The following DMXL1 variants were observed in gnomAD, a reference collection of about 807,000 sequenced individuals.
The protein encoded by DMXL1 is Dmx like 1.
In DMXL1, 99 loss-of-function variants were observed where a neutral mutation model predicts 319.2. The observed-to-expected ratio is 0.31, with a 90% confidence interval of 0.26 to 0.37. DMXL1 has a LOEUF of 0.37. Ranked by LOEUF, DMXL1 falls within the 10% of genes least tolerant of loss-of-function variation. The probability of loss-of-function intolerance (pLI) is 1.00; values close to 1 mark genes in which losing one functional copy is unlikely to be tolerated. For missense variants in DMXL1, 3,745 were observed against 3,595.6 expected (o/e 1.04, Z -1.06); for synonymous variants, 1,385 against 1,235.2 (o/e 1.12, Z -2.54).
rs375470122 is a variant in DMXL1 at position 119,197,827 on chromosome 5, G to C, written c.7616G>C (p.Arg2539Pro). 1 of 1,614,038 alleles carries C rather than the reference G, an allele frequency of 6.2e-7. No homozygotes were observed. The highest frequency in any genetic ancestry group is 1.7e-5 in the Admixed American group (1 of 60,016). Residue 2539 changes from arginine to proline, a missense_variant, in exon 32 of 44, where the codon CGA (arginine) becomes CCA (proline). Arg to Pro is a moderately radical substitution (Grantham distance 103). Around this residue, in one of 4 missense-constraint regions of DMXL1, gnomAD observed 1,382 missense variants for 1,269.5 expected, o/e 1.09. Coordinates refer to ENST00000539542, the MANE Select transcript of DMXL1 (RefSeq NM_001290321.3). ...TLQCWEQVLLRRLEIHGGPPQ... is the reference protein window; with the variant it reads ...TLQCWEQVLLPRLEIHGGPPQ... The stretch of plus-strand genomic sequence containing the variant: ...CAATGTTGGGAACAAGTTCTTCTCC[G>C]ACGACTTGAAATCCATGGTGGGCCA...
intron 39 of DMXL1, among the ~76,000 whole-genome samples, chr5:119,235,724 G>T (rs2150704800): frequency 6.6e-6 from 1 of 152,162 alleles, no homozygotes; most frequent in East Asian, 1.9e-4. Flanking sequence ...AATGAAAAAG[G>T]TTATTTACAA....
intron 3 of DMXL1, among the ~76,000 whole-genome samples, chr5:119,103,959 A>G (rs535956593): frequency 1.3e-5 from 2 of 152,334 alleles, no homozygotes; most frequent in South Asian, 2.1e-4. Flanking sequence ...ATCAGCACTG[A>G]CTTTGCAGAA....
At position 119,218,560 on chromosome 5, in the gene DMXL1, G is replaced by C. The variant is rs1050651604; in HGVS notation, c.8013+1573G>C. On this transcript the variant is annotated intron_variant, in intron 35 of 43. Coordinates refer to ENST00000539542, the MANE Select transcript of DMXL1 (RefSeq NM_001290321.3). Reference sequence around the variant, plus strand: ...CAACCTCTGCCTCCCGGGTTCAAGCGATTCTCCTGCCTCAGCCTCCCAAGT... The same window carrying C: ...CAACCTCTGCCTCCCGGGTTCAAGCCATTCTCCTGCCTCAGCCTCCCAAGT... 6.6e-5 allele frequency among the ~76,000 whole-genome samples: 10 copies of C among 152,016 alleles called. 1 individual carries two copies. Among genetic ancestry groups the C allele is most frequent in the African/African-American group, 2.2e-4 (9 of 41,390 alleles).
chr5:119,175,296 T>G lies in DMXL1; in HGVS notation c.6717T>G (p.Ser2239=), dbSNP rs767515743. 3.1e-6 allele frequency: 5 copies of G among 1,612,146 alleles called. No individual in the cohort carries two copies. In the South Asian group the frequency reaches 5.5e-5, roughly 18 times the overall value. The change falls in exon 26 of 44, where the codon TCT becomes TCG. Residue 2239 remains serine, a synonymous_variant. Coordinates refer to ENST00000539542, the MANE Select transcript of DMXL1 (RefSeq NM_001290321.3). ...YVMHTLAASL[S]ACIYQCLCGS... The stretch of plus-strand genomic sequence containing the variant: ...TGCATACTTTAGCAGCTTCACTTTC[T>G]GCTTGTATTTATCAGTGCCTTTGTG...
At chr5:119,246,906 T>TACAG in intron 43 of DMXL1, 89 bp from the exon 44 acceptor site, 1 of 946,840 alleles carries the variant, frequency 1.1e-6, no homozygotes, top group South Asian at 1.6e-5. Flanking sequence ...GTGCTGGGAT[T>TACAG]ACAGGCATGA....
intron 39 of DMXL1, chr5:119,236,439 G>C (rs577119519): frequency 6.6e-6 from 1 of 151,966 alleles, no homozygotes; most frequent in South Asian, 2.1e-4. Flanking sequence ...AATTGAAAAC[G>C]GTATGGGGAA....
intron 41 of DMXL1, 97 bp downstream of exon 41, chr5:119,239,177 T>C: frequency 8.1e-7 from 1 of 1,232,060 alleles, no homozygotes. Flanking sequence ...TACTTATGGC[T>C]TTAGATACAG....
chr5:119,073,611 G>A (rs1472734882), intron 1 of DMXL1, among the ~76,000 whole-genome samples: 7 of 152,112 alleles, frequency 4.6e-5, no homozygotes, highest in Admixed American at 3.9e-4. Context: ...TTTCCATTGA[G>A]TAGGATTTAA....
chr5:119,147,737 C>T (rs763770646), intron 17 of DMXL1, among the ~76,000 whole-genome samples: 4 of 152,074 alleles, frequency 2.6e-5, no homozygotes, highest in African/African-American at 9.7e-5. Flanking sequence ...GTTTCTGGAG[C>T]GGAGATGGTA....
chr5:119,170,925 C>A lies in DMXL1; in HGVS notation c.6134C>A (p.Ser2045Tyr). 1 of 1,613,392 alleles carries A rather than the reference C, an allele frequency of 6.2e-7. No homozygotes were observed. Among genetic ancestry groups the A allele is most frequent in the Non-Finnish European group, 8.5e-7 (1 of 1,179,828 alleles). ...CTCACAGTAGAACTTCGTACTTTAT[C>A]TACTGGCTATGAAATAGATGGTGGA... ...KILTVELRTL[S>Y]TGYEIDGGKL... is the part of the protein sequence containing the mutation. The change falls in exon 24 of 44, where the codon TCT becomes TAT. Residue 2045 changes from serine to tyrosine, a missense_variant. Ser to Tyr is a moderately radical substitution (Grantham distance 144). Around this residue, in one of 4 missense-constraint regions of DMXL1, gnomAD observed 1,382 missense variants for 1,269.5 expected, o/e 1.09. Transcript: ENST00000539542.
intron 38 of DMXL1, among the ~76,000 whole-genome samples, chr5:119,226,241 G>T (rs996417452): frequency 6.6e-6 from 1 of 152,062 alleles, no homozygotes; most frequent in Non-Finnish European, 1.5e-5. Flanking sequence ...AAAATTAAAA[G>T]CTAATTACTG....
intron 34 of DMXL1, among the ~76,000 whole-genome samples, chr5:119,209,371 G>T (rs1156314625): frequency 7.1e-6 from 1 of 140,238 alleles, no homozygotes; most frequent in Non-Finnish European, 1.6e-5. Context: ...TTTTTTAAAA[G>T]GCAGGGTCTC....
chr5:119,085,663 A>G (rs1472276168), intron 1 of DMXL1, among the ~76,000 whole-genome samples: 3 of 152,008 alleles, frequency 2.0e-5, no homozygotes, highest in Non-Finnish European at 1.5e-5. Context: ...TTCCTTTCCA[A>G]TTTGGTTACC....
In DMXL1 at chr5:119,071,599, TG is replaced by T; in HGVS notation, c.31del (p.Val11Ter). MNLHQVLTGA[V>X]NPGDHCFSVG... ...ACCTGCACCAGGTGCTGACCGGGGC[TG>T]TGAACCCTGGCGACCACTGCTTCTC... On this transcript the variant is annotated frameshift_variant, in exon 1 of 44. Transcript: ENST00000539542. LOFTEE classifies it high-confidence loss of function. 1 of 1,605,368 alleles carries T rather than the reference TG, an allele frequency of 6.2e-7. No individual in the cohort carries two copies. The highest frequency in any genetic ancestry group is 8.5e-7 in the Non-Finnish European group (1 of 1,176,346).
chr5:119,071,738 C>A (rs1749618194), intron 1 of DMXL1, 82 bp downstream of exon 1: 2 of 1,337,792 alleles, frequency 1.5e-6, no homozygotes, highest in African/African-American at 1.5e-5. Context: ...GAACGACGGG[C>A]AGAGGCGCGA....
chr5:119,199,022 G>A (rs1780184675), intron 32 of DMXL1, among the ~76,000 whole-genome samples: 1 of 152,114 alleles, frequency 6.6e-6, no homozygotes, highest in East Asian at 1.9e-4. Context: ...GAATAGCTGG[G>A]ATCACAGGCA....
intron 27 of DMXL1, among the ~76,000 whole-genome samples, 164 bp downstream of exon 27, chr5:119,177,648 T>G (rs951321459): frequency 2.0e-5 from 3 of 152,184 alleles, no homozygotes; most frequent in Non-Finnish European, 4.4e-5. Flanking sequence ...TACTTAACAT[T>G]AGTATTCCCT....
At chr5:119,110,111 A>G (rs759486687) in intron 4 of DMXL1, 40 bp from the exon 5 acceptor site, 2 of 1,531,472 alleles carry the variant, frequency 1.3e-6, no homozygotes, top group Non-Finnish European at 8.8e-7. Flanking sequence ...AGTCACTATT[A>G]AATACCTAAA....
intron 1 of DMXL1, among the ~76,000 whole-genome samples, chr5:119,082,448 A>T (rs1382653158): frequency 2.0e-5 from 3 of 151,798 alleles, no homozygotes; most frequent in Non-Finnish European, 4.4e-5. Flanking sequence ...CTAATTTTTA[A>T]AATTTTTTGT....
Sources: gnomAD v4.1 joint callset for allele counts (sites outside exome capture counted in the v4.1 genomes callset) on GRCh38, gnomAD v4.1.1 for gene constraint, gnomAD v4.1.1 regional missense constraint, MANE v1.5 for transcripts, NCBI Gene and HGNC (gene_info 2026-07-23, HGNC 2026-07-21) for gene names.